Variants in EXOC2 observed in about 807,000 individuals in gnomAD.
The protein encoded by EXOC2 is SEC5-like 1.
In EXOC2, 70 loss-of-function variants were observed where a neutral mutation model predicts 131.8. The observed-to-expected ratio is 0.53, with a 90% CI of 0.44 to 0.65. EXOC2 has a LOEUF of 0.65. Among genes scored for constraint, EXOC2 ranks in the 30% least tolerant of loss-of-function variants. EXOC2 has a pLI of 0.00. For missense variants in EXOC2, 923 were observed against 1,108.6 expected (o/e 0.83, Z 2.38); for synonymous variants, 411 against 398.4 (o/e 1.03, Z -0.38).
intron 3 of EXOC2, among the ~76,000 whole-genome samples, chr6:630,866 A>G (rs1462885717): frequency 6.6e-6 from 1 of 152,238 alleles, no homozygotes; most frequent in Non-Finnish European, 1.5e-5. Context: ...TGGCTTGTAT[A>G]ATGGAAATAA....
chr6:517,588 A>G (rs1012481372), intron 23 of EXOC2, among the ~76,000 whole-genome samples: 1 of 152,182 alleles, frequency 6.6e-6, no homozygotes. Context: ...TCAATTTCTA[A>G]TAAGAAATAG....
At chr6:586,014 T>A (rs1223316623) in intron 11 of EXOC2, among the ~76,000 whole-genome samples, 3 of 152,164 alleles carry the variant, frequency 2.0e-5, no homozygotes, top group African/African-American at 7.2e-5. Context: ...AAAACCCGCA[T>A]AAAAACAATG....
chr6:691,147 TATTAA>T (rs1013052421), intron 1 of EXOC2, among the ~76,000 whole-genome samples: 9 of 152,190 alleles, frequency 5.9e-5, no homozygotes, highest in African/African-American at 2.2e-4. Context: ...ACACTAGAAA[TATTAA>T]AAGTTCTTTG....
At chr6:658,562 G>A (rs1187609962) in intron 1 of EXOC2, among the ~76,000 whole-genome samples, 9 of 148,782 alleles carry the variant, frequency 6.0e-5, no homozygotes, top group African/African-American at 2.2e-4. Flanking sequence ...TGCAACTGGT[G>A]TTCAACACAA....
intron 22 of EXOC2, among the ~76,000 whole-genome samples, chr6:537,907 G>A (rs531053524): frequency 4.6e-5 from 7 of 152,210 alleles, no homozygotes; most frequent in Non-Finnish European, 8.8e-5. Flanking sequence ...CAGCTGGAAC[G>A]TTGCTGAGAA....
At chr6:644,214 G>C (rs1762480407) in intron 1 of EXOC2, among the ~76,000 whole-genome samples, 2 of 152,004 alleles carry the variant, frequency 1.3e-5, no homozygotes, top group South Asian at 2.1e-4. Flanking sequence ...CAATCACTGT[G>C]AATTACCATA....
At chr6:604,722 G>A (rs1760303429) in intron 7 of EXOC2, among the ~76,000 whole-genome samples, 1 of 147,174 alleles carries the variant, frequency 6.8e-6, no homozygotes, top group African/African-American at 2.6e-5. Flanking sequence ...TGGCCCTGCG[G>A]GGACACACCT....
At chr6:674,737 TGTTTGTTG>T (rs1015626188) in intron 1 of EXOC2, among the ~76,000 whole-genome samples, 5 of 148,828 alleles carry the variant, frequency 3.4e-5, no homozygotes, top group African/African-American at 1.0e-4. Context: ...TTTGTTTGTT[TGTTTGTTG>T]TCAGTGCTTT....
At chr6:488,600 C>T (rs908038) in intron 27 of EXOC2, among the ~76,000 whole-genome samples, 149,836 of 152,242 alleles carry the variant, frequency 0.98, 73,769 homozygotes, top group East Asian at 1. Context: ...AAAAAATCAC[C>T]GACTCCTGCA....
At chr6:641,863 C>T (rs79083085) in intron 1 of EXOC2, among the ~76,000 whole-genome samples, 11,197 of 115,476 alleles carry the variant, frequency 0.097, 781 homozygotes, top group South Asian at 0.23. Context: ...CACTGCAATC[C>T]ACCCTCAGCA....
At chr6:649,715 T>C (rs1304403607) in intron 1 of EXOC2, among the ~76,000 whole-genome samples, 1 of 152,256 alleles carries the variant, frequency 6.6e-6, no homozygotes, top group East Asian at 1.9e-4. Flanking sequence ...GAGTAATTTC[T>C]TTTTAGCAGT....
At chr6:629,041 T>C (rs781480214) in intron 4 of EXOC2, among the ~76,000 whole-genome samples, 15 of 152,192 alleles carry the variant, frequency 9.9e-5, no homozygotes, top group Non-Finnish European at 1.8e-4. Flanking sequence ...AAAATGAAAC[T>C]AATGATCTTC....
chr6:640,276 G>A (rs1190538858), intron 1 of EXOC2, among the ~76,000 whole-genome samples: 2 of 152,184 alleles, frequency 1.3e-5, no homozygotes. Context: ...GACAGAAGGG[G>A]TGCGGGGAGA....
chr6:621,601 T>C (rs1165748355), intron 4 of EXOC2, among the ~76,000 whole-genome samples: 4 of 152,096 alleles, frequency 2.6e-5, no homozygotes, highest in Non-Finnish European at 4.4e-5. Context: ...AGAATGATGA[T>C]AACAGAAAAG....
intron 13 of EXOC2, among the ~76,000 whole-genome samples, chr6:571,773 A>T (rs1016032281): frequency 6.6e-6 from 1 of 152,212 alleles, no homozygotes; most frequent in Non-Finnish European, 1.5e-5. Flanking sequence ...CAGAGACACG[A>T]AACACCTGTC....
intron 1 of EXOC2, chr6:655,794 C>A: frequency 4.3e-6 from 1 of 232,736 alleles, no homozygotes; most frequent in Non-Finnish European, 8.5e-6. Flanking sequence ...AATACTGATG[C>A]AATTGTTTCA....
intron 11 of EXOC2, among the ~76,000 whole-genome samples, chr6:583,321 C>T (rs542989334): frequency 3.9e-5 from 6 of 152,154 alleles, no homozygotes; most frequent in East Asian, 3.9e-4. Flanking sequence ...AAATGACTTC[C>T]GGCTGCCAGA....
rs369577168 is a variant in EXOC2 at position 611,778 on chromosome 6, T to G, written c.662-1600A>C. On this transcript the variant is annotated intron_variant, in intron 6 of 27. Transcript: ENST00000230449. ...TGGTACATGATCATAGGTTTGTTAT[T>G]GTTTCTAATCTATTAAAACTTAAAT... Among the ~76,000 whole-genome samples, 6 of 152,386 alleles carry G rather than the reference T, an allele frequency of 3.9e-5. No homozygotes were observed. In the South Asian group the frequency reaches 1.0e-3, roughly 26 times the overall value.
intron 1 of EXOC2, among the ~76,000 whole-genome samples, chr6:684,539 T>C (rs1581687861): frequency 6.6e-6 from 1 of 152,342 alleles, no homozygotes; most frequent in Admixed American, 6.5e-5. Context: ...TCCTTATAGA[T>C]ATACTATATT....
Sources: gnomAD v4.1 joint callset for allele counts (sites outside exome capture counted in the v4.1 genomes callset) on GRCh38, gnomAD v4.1.1 for gene constraint, MANE v1.5 for transcripts, NCBI Gene and HGNC (gene_info 2026-07-23, HGNC 2026-07-21) for gene names.